LMX1B: variants seen among roughly 807,000 people sequenced by gnomAD.
The protein encoded by LMX1B is LIM homeobox transcription factor 1 beta.
LMX1B carries 12 observed loss-of-function variants against 51.4 expected under a neutral mutation model. The ratio of observed to expected loss-of-function variants is 0.23; its 90% CI spans 0.15 to 0.38. The LOEUF (loss-of-function observed/expected upper bound fraction) is 0.38, where lower values mean the gene tolerates loss of function less well. Ranked by LOEUF, LMX1B falls within the 10% of genes least tolerant of loss-of-function variation. The pLI, the probability that LMX1B is intolerant of heterozygous loss-of-function variation, is 1.00. For synonymous variants in LMX1B, 237 were observed against 235.4 expected (o/e 1.01, Z -0.06); for missense variants, 445 against 571.1 (o/e 0.78, Z 2.25).
In LMX1B at chr9:126,698,757, G is replaced by C. The variant is rs1412241167; in HGVS notation, c.*2306G>C. The stretch of plus-strand genomic sequence containing the variant: ...TTGGGGCCCTCTGCCTGGATCTCTG[G>C]AATCCTCTAAGTTCAACCTGTTCTG... On this transcript the variant is annotated 3_prime_UTR_variant, in exon 8 of 8. Coordinates refer to ENST00000373474, the MANE Select transcript of LMX1B (RefSeq NM_001174147.2). 3 of 152,460 alleles carry C rather than the reference G, an allele frequency of 2.0e-5. No individual in the cohort carries two copies. Among genetic ancestry groups the C allele is most frequent in the African/African-American group, 7.2e-5 (3 of 41,436 alleles). 9.4% of individuals were successfully genotyped at this position (152,460 alleles called of 1,614,324 possible).
chr9:126,693,976 G>A (rs1160229321), intron 6 of LMX1B, 164 bp downstream of exon 6: 11 of 586,516 alleles, frequency 1.9e-5, no homozygotes, highest in South Asian at 1.8e-4. Flanking sequence ...AAAGGGGCCC[G>A]GGATGTTTCT....
intron 2 of LMX1B, among the ~76,000 whole-genome samples, chr9:126,617,681 C>T (rs188046008): frequency 8.9e-4 from 136 of 152,182 alleles, no homozygotes; most frequent in Middle Eastern, 3.4e-3. Context: ...AAAGAGTCAC[C>T]TAACAGCCAG....
Position 126,696,460 on chromosome 9 carries a change from C to G in LMX1B, c.*9C>G. The G allele has an allele frequency of 1.2e-6, 2 of 1,613,764 alleles. No homozygotes were observed. The highest frequency in any genetic ancestry group is 1.7e-6 in the Non-Finnish European group (2 of 1,179,860). On this transcript the variant is annotated 3_prime_UTR_variant, in exon 8 of 8. Coordinates refer to ENST00000373474, the MANE Select transcript of LMX1B (RefSeq NM_001174147.2). ...CCTACTTCGCCTCCTGAGAGCCAGCCAGGCGCACGGACGCTTGGGCAGGGG... is the reference window on the plus strand; with the variant it reads ...CCTACTTCGCCTCCTGAGAGCCAGCGAGGCGCACGGACGCTTGGGCAGGGG...
chr9:126,690,806 C>G (rs775518108), intron 2 of LMX1B, 30 bp from the exon 3 acceptor site: 3 of 1,569,290 alleles, frequency 1.9e-6, no homozygotes, highest in Non-Finnish European at 2.6e-6. Context: ...TTCTGAGCAC[C>G]GCCAACACGC....
chr9:126,691,050 C>A lies in LMX1B; in HGVS notation c.541C>A (p.Pro181Thr). Residue 181 changes from proline (P) to threonine (T), a missense_variant, in exon 3 of 8, where the codon CCC becomes ACC. Physicochemically the swap from Pro to Thr is conservative, Grantham distance 38. Around this residue, in one of 3 missense-constraint regions of LMX1B, gnomAD observed 273 missense variants for 343.3 expected, o/e 0.80. Transcript: ENST00000373474. ...GAAGGACCTGCTCAGCTCCGTGAGCCCCGACGAGTCCGACTCCGGTGAGGC... is the reference window on the plus strand; with the variant it reads ...GAAGGACCTGCTCAGCTCCGTGAGCACCGACGAGTCCGACTCCGGTGAGGC... ...KEKDLLSSVS[P>T]DESDSVKSED... The A allele has an allele frequency of 6.2e-7, 1 of 1,611,412 alleles. No individual in the cohort carries two copies. The highest frequency in any genetic ancestry group is 1.1e-5 in the South Asian group (1 of 90,604).
intron 2 of LMX1B, among the ~76,000 whole-genome samples, chr9:126,647,321 T>C (rs1835920618): frequency 6.6e-6 from 1 of 152,196 alleles, no homozygotes; most frequent in Admixed American, 6.5e-5. Context: ...TAAACTCCCT[T>C]AGAAGGTGGA....
chr9:126,684,706 A>G (rs1381453134), intron 2 of LMX1B, among the ~76,000 whole-genome samples: 1 of 152,148 alleles, frequency 6.6e-6, no homozygotes, highest in Non-Finnish European at 1.5e-5. Flanking sequence ...GCCTGGTCCA[A>G]TCACTTCCAG....
intron 2 of LMX1B, among the ~76,000 whole-genome samples, chr9:126,682,851 C>T (rs1205438880): frequency 7.0e-5 from 10 of 142,564 alleles, no homozygotes; most frequent in African/African-American, 2.6e-4. Context: ...GCTGAGATCA[C>T]GCCACTGCAC....
rs1478732418 is a variant in LMX1B, at chr9:126,695,265, G to T, written c.887-574G>T. On this transcript the variant is annotated intron_variant, in intron 6 of 7. Coordinates refer to ENST00000373474, the MANE Select transcript of LMX1B (RefSeq NM_001174147.2). This position sits in a 1 kb window ranked among gnomAD's most constrained non-coding sequence, Gnocchi z 5.2. ...GCCTCGGGGACCCCCACCCAGCTCG[G>T]CACCCCAGGGCTCCCCATGACCTGT... 6.6e-6 allele frequency among the ~76,000 whole-genome samples: 1 copy of T among 152,034 alleles called. No homozygotes were observed. Among genetic ancestry groups the T allele is most frequent in the Non-Finnish European group, 1.5e-5 (1 of 67,988 alleles).
chr9:126,660,008 T>C (rs1564158272), intron 2 of LMX1B, among the ~76,000 whole-genome samples: 5 of 89,746 alleles, frequency 5.6e-5, no homozygotes, highest in Admixed American at 1.0e-4. Flanking sequence ...ACACTGGCCT[T>C]GGAAATTGTC....
intron 2 of LMX1B, among the ~76,000 whole-genome samples, chr9:126,644,779 C>T (rs1835870531): frequency 1.3e-5 from 2 of 152,102 alleles, no homozygotes; most frequent in African/African-American, 4.8e-5. Flanking sequence ...GGTATGTAGT[C>T]GGGGGTTGAA....
In LMX1B at chr9:126,626,539, GTCCTCTCCTGGAGCCCCC is replaced by G. The variant is rs1332197336; in HGVS notation, c.326+10973_326+10990del. ...GAAGCCCTGAGCTCACCTCCCGCCC[GTCCTCTCCTGGAGCCCCC>G]TCTGCAATCCCGGCTCAGTCGGCAA... On this transcript the variant is annotated intron_variant, in intron 2 of 7. Coordinates refer to ENST00000373474, the MANE Select transcript of LMX1B (RefSeq NM_001174147.2). The surrounding 1 kb of genome is among the most constrained non-coding windows in gnomAD (Gnocchi z 4.3). Among the ~76,000 whole-genome samples, 1 of 152,164 alleles carries G rather than the reference GTCCTCTCCTGGAGCCCCC, an allele frequency of 6.6e-6. No individual in the cohort carries two copies. The highest frequency in any genetic ancestry group is 1.5e-5 in the Non-Finnish European group (1 of 68,018).
In LMX1B at chr9:126,614,230, G is replaced by A. The variant is rs962333890; in HGVS notation, c.-220G>A. Among the ~76,000 whole-genome samples the A allele has an allele frequency of 5.4e-3, 792 of 146,126 alleles. 6 individuals carry two copies. Among genetic ancestry groups the A allele is most frequent in the African/African-American group, 0.018 (749 of 40,862 alleles). ...CCGGCGCGCGTGGCTGCAAGTGTCC[G>A]GGAGAGCGCGGCGCGGGCTGCAGCC... On this transcript the variant is annotated 5_prime_UTR_variant, in exon 1 of 8. Transcript: ENST00000373474.
intron 2 of LMX1B, among the ~76,000 whole-genome samples, chr9:126,635,203 T>A (rs1284641897): frequency 2.0e-5 from 3 of 152,192 alleles, no homozygotes; most frequent in African/African-American, 4.8e-5. Context: ...CTCCAGCTCC[T>A]GCTCACCCTT....
At chr9:126,686,521 G>A (rs35004379) in intron 2 of LMX1B, among the ~76,000 whole-genome samples, 14,552 of 152,212 alleles carry the variant, frequency 0.096, 1,065 homozygotes, top group East Asian at 0.35. Context: ...ATCCCCTGGA[G>A]GGGAAAAATG....
At chr9:126,693,708 G>A (rs956414058) in intron 5 of LMX1B, 38 bp from the exon 6 acceptor site, 11 of 1,574,720 alleles carry the variant, frequency 7.0e-6, no homozygotes, top group East Asian at 4.7e-5. Context: ...GCCTGGGGGC[G>A]AGGGGCAGCA....
At chr9:126,627,305 G>A (rs1835553357) in intron 2 of LMX1B, among the ~76,000 whole-genome samples, 1 of 152,080 alleles carries the variant, frequency 6.6e-6, no homozygotes, top group African/African-American at 2.4e-5. Flanking sequence ...TCAGAGAGGT[G>A]CCCTGCCCTG....
chr9:126,682,460 T>G (rs1194829641), intron 2 of LMX1B, among the ~76,000 whole-genome samples: 1 of 152,148 alleles, frequency 6.6e-6, no homozygotes. Flanking sequence ...AATAGATCAG[T>G]GTTACTGTCC....
At position 126,696,400 on chromosome 9, in the gene LMX1B, G is replaced by C. The variant is rs2030337755; in HGVS notation, c.1158G>C (p.Gly386=). 1.2e-6 allele frequency: 2 copies of C among 1,613,978 alleles called. No homozygotes were observed. Among genetic ancestry groups the C allele is most frequent in the African/African-American group, 2.7e-5 (2 of 74,930 alleles). ...SDVGSLQARV[G]NPIDRLYSMQ... is the part of the protein sequence containing the mutation. ...TGGGCTCCCTGCAGGCCCGCGTGGG[G>C]AACCCCATCGACCGGCTCTACTCCA... is the stretch of plus-strand genomic sequence containing the variant. Residue 386 remains glycine, a synonymous_variant, in exon 8 of 8, where the codon GGG becomes GGC. Coordinates refer to ENST00000373474, the MANE Select transcript of LMX1B (RefSeq NM_001174147.2).
Sources: allele counts gnomAD v4.1 joint callset (sites outside exome capture counted in the v4.1 genomes callset), GRCh38; gene constraint gnomAD v4.1.1; regional missense constraint gnomAD v4.1.1; non-coding constraint Gnocchi (gnomAD v3.1); transcripts MANE v1.5; gene names NCBI Gene and HGNC (gene_info 2026-07-23, HGNC 2026-07-21).